The following TRAF3IP3 variants were observed in gnomAD, a reference collection of about 807,000 sequenced individuals.
The protein encoded by TRAF3IP3 is TRAF3 interacting protein 3, also known as TRAF3-interacting JNK-activating modulator.
TRAF3IP3 carries 64 observed loss-of-function variants against 86.5 expected under a neutral mutation model. The ratio of observed to expected loss-of-function variants is 0.74; its 90% CI spans 0.60 to 0.91. The LOEUF is 0.91. Ranked by LOEUF, TRAF3IP3 falls within the 40% of genes least tolerant of loss-of-function variation. The pLI, the probability that TRAF3IP3 is intolerant of heterozygous loss-of-function variation, is 0.00. For missense variants in TRAF3IP3, 579 were observed against 642.9 expected (o/e 0.90, Z 1.07); for synonymous variants, 220 against 243.9 (o/e 0.90, Z 0.91).
In TRAF3IP3 at chr1:209,780,461, C is replaced by T; in HGVS notation, c.1313-9C>T. On this transcript the variant is annotated splice_polypyrimidine_tract_variant and intron_variant, in intron 14 of 16. Coordinates refer to ENST00000367025, the MANE Select transcript of TRAF3IP3 (RefSeq NM_025228.4). ...CTCACTGTCACCAAGAATCTGGCTG[C>T]TTTTTTAGATCAGGCTTTGCCCGTG... 1 of 1,545,806 alleles carries T rather than the reference C, an allele frequency of 6.5e-7. No homozygotes were observed. Among genetic ancestry groups the T allele is most frequent in the South Asian group, 1.2e-5 (1 of 83,684 alleles).
intron 8 of TRAF3IP3, among the ~76,000 whole-genome samples, chr1:209,770,746 CGT>C (rs2077466320): frequency 2.0e-5 from 1 of 50,198 alleles, no homozygotes; most frequent in Non-Finnish European, 3.9e-5. Context: ...TGGAGGTGTG[CGT>C]GTGCAGGTGG....
chr1:209,776,050 C>G (rs925539369), intron 11 of TRAF3IP3: 7 of 233,380 alleles, frequency 3.0e-5, no homozygotes, highest in African/African-American at 1.6e-4. Context: ...ACTCTCCAAA[C>G]TCCATCCCAA....
At position 209,772,998 on chromosome 1, in the gene TRAF3IP3, C is replaced by G. The variant is rs775052748; in HGVS notation, c.753C>G (p.Asn251Lys). Residue 251 changes from asparagine (N) to lysine (K), a missense_variant, in exon 9 of 17, where the codon AAC becomes AAG. Coordinates refer to ENST00000367025, the MANE Select transcript of TRAF3IP3 (RefSeq NM_025228.4). ...KLKGKLRSLE[N>K]QLYTCTQKYS... ...AGGGGAAACTGAGATCCTTAGAAAACCAGCTATACACCTGTACCCAGGTAA... is the reference window on the plus strand; with the variant it reads ...AGGGGAAACTGAGATCCTTAGAAAAGCAGCTATACACCTGTACCCAGGTAA... 1.9e-6 allele frequency: 3 copies of G among 1,613,768 alleles called. No homozygotes were observed. In the South Asian group the frequency reaches 3.3e-5, roughly 18 times the overall value.
At chr1:209,781,819 C>T (rs2077787171) in intron 16 of TRAF3IP3, 2 of 542,218 alleles carry the variant, frequency 3.7e-6, no homozygotes, top group South Asian at 4.7e-5. Context: ...CTTCATTATT[C>T]ATATCAGTAT....
intron 8 of TRAF3IP3, chr1:209,768,623 C>T: frequency 1.0e-5 from 10 of 985,848 alleles, no homozygotes; most frequent in East Asian, 1.1e-4. Flanking sequence ...GGGAAAACCA[C>T]GCAGAAGCAG....
Position 209,762,558 on chromosome 1 carries a change from C to T in TRAF3IP3, c.389C>T (p.Pro130Leu). The T allele has an allele frequency of 6.7e-7, 1 of 1,484,056 alleles. No homozygotes were observed. Among genetic ancestry groups the T allele is most frequent in the Non-Finnish European group, 8.9e-7 (1 of 1,117,574 alleles). 91.9% of individuals were successfully genotyped at this position (1,484,056 alleles called of 1,614,324 possible). Residue 130 changes from proline to leucine, a missense_variant, in exon 4 of 17, where the codon CCT (proline) becomes CTT (leucine). Transcript: ENST00000367025. ...GAAGTCTTTCCAGCCCAGCATCCTCCTCCCTCAGGCATCTGCAGGGATCTG... is the reference window on the plus strand; with the variant it reads ...GAAGTCTTTCCAGCCCAGCATCCTCTTCCCTCAGGCATCTGCAGGGATCTG... ...SSEVFPAQHP[P>L]PSGICRDLSD...
chr1:209,773,701 G>A (rs755374461), intron 9 of TRAF3IP3, among the ~76,000 whole-genome samples: 27 of 152,212 alleles, frequency 1.8e-4, no homozygotes, highest in Non-Finnish European at 2.5e-4. Context: ...CATTGATGGC[G>A]TCTTACAGGG....
At chr1:209,771,359 G>A (rs1247485839) in intron 8 of TRAF3IP3, among the ~76,000 whole-genome samples, 4 of 143,974 alleles carry the variant, frequency 2.8e-5, no homozygotes, top group African/African-American at 1.0e-4. Flanking sequence ...AGGTGTGCGT[G>A]TGCAGCTGGA....
chr1:209,773,676 A>G (rs1032776567), intron 9 of TRAF3IP3, among the ~76,000 whole-genome samples: 1 of 152,246 alleles, frequency 6.6e-6, no homozygotes, highest in Admixed American at 6.5e-5. Flanking sequence ...TAGAGAGAGA[A>G]GACAGTCCTG....
At position 209,760,389 on chromosome 1, in the gene TRAF3IP3, G is replaced by T; in HGVS notation, c.345+5G>T. ...ATTTCTTCTCCCAGAGAGCAGGTGG[G>T]CCGTGTCAAGGGACATACTGCTGTG... On this transcript the variant is annotated splice_donor_5th_base_variant and intron_variant, in intron 3 of 16. Transcript: ENST00000367025. 1 of 1,572,986 alleles carries T rather than the reference G, an allele frequency of 6.4e-7. No homozygotes were observed.
rs2077785446 is a variant in TRAF3IP3, at chr1:209,781,743, CAGA to C, written c.1563+288_1563+290del. 7 of 483,934 alleles carry C rather than the reference CAGA, an allele frequency of 1.4e-5. No individual in the cohort carries two copies. In the East Asian group the frequency reaches 1.5e-4, roughly 10 times the overall value. 30.0% of individuals were successfully genotyped at this position (483,934 alleles called of 1,614,324 possible). A position where few individuals can be genotyped will look rare whatever the true frequency, so the allele number is the denominator to read the frequency against. ...CCGATGATAAGCATGGTGGCAAGAACAGAAGGACACAAAAGTACTGGGGAATAC... is the reference window on the plus strand; with the variant it reads ...CCGATGATAAGCATGGTGGCAAGAACAGGACACAAAAGTACTGGGGAATAC... On this transcript the variant is annotated intron_variant, in intron 16 of 16. Transcript: ENST00000367025.
In TRAF3IP3 at chr1:209,782,232, T is replaced by C; in HGVS notation, c.*84T>C. ...CAGAAGGTTTGGGTACATTACAGCTTGGGTTTTCCAACTGACTTAGGATTT... is the reference window on the plus strand; with the variant it reads ...CAGAAGGTTTGGGTACATTACAGCTCGGGTTTTCCAACTGACTTAGGATTT... On this transcript the variant is annotated 3_prime_UTR_variant, in exon 17 of 17. Transcript: ENST00000367025. 9.1e-7 allele frequency: 1 copy of C among 1,098,744 alleles called. No individual in the cohort carries two copies. The allele number at this position is 1,098,744 out of a possible 1,614,324, so 68.1% of individuals were successfully genotyped here. A position where few individuals can be genotyped will look rare whatever the true frequency, so the allele number is the denominator to read the frequency against.
In TRAF3IP3 at chr1:209,760,402, A is replaced by T. The variant is rs1213185483; in HGVS notation, c.345+18A>T. On this transcript the variant is annotated intron_variant, in intron 3 of 16. Transcript: ENST00000367025. ...GAGAGCAGGTGGGCCGTGTCAAGGG[A>T]CATACTGCTGTGTGCTCTGGGACCC... The T allele has an allele frequency of 3.9e-6, 6 of 1,555,324 alleles. No individual in the cohort carries two copies. The highest frequency in any genetic ancestry group is 5.2e-6 in the Non-Finnish European group (6 of 1,148,218).
At chr1:209,757,194 T>G (rs1036206530) in intron 1 of TRAF3IP3, among the ~76,000 whole-genome samples, 2 of 152,204 alleles carry the variant, frequency 1.3e-5, no homozygotes, top group Non-Finnish European at 2.9e-5. Context: ...CCACTGCAGC[T>G]CCTTTCTTGG....
chr1:209,770,459 G>C (rs1302701520), intron 8 of TRAF3IP3, among the ~76,000 whole-genome samples: 2 of 143,528 alleles, frequency 1.4e-5, no homozygotes, highest in African/African-American at 2.6e-5. Context: ...GTATGTGTGT[G>C]CATGTGGAGG....
chr1:209,772,074 GGT>G lies in TRAF3IP3; in HGVS notation c.703-864_703-863del, dbSNP rs200058437. On this transcript the variant is annotated intron_variant, in intron 8 of 16. Coordinates refer to ENST00000367025, the MANE Select transcript of TRAF3IP3 (RefSeq NM_025228.4). ...ACATGTGAAGGTGTGTGTATATGGA[GGT>G]GTGTGTGTGCATGTGGAGGTGTGTG... 3.7e-3 allele frequency among the ~76,000 whole-genome samples: 552 copies of G among 151,190 alleles called. 14 individuals are homozygous for G. Among genetic ancestry groups the G allele is most frequent in the Admixed American group, 0.032 (481 of 15,196 alleles).
At chr1:209,765,587 C>T (rs1348666583) in intron 8 of TRAF3IP3, among the ~76,000 whole-genome samples, 5 of 151,894 alleles carry the variant, frequency 3.3e-5, no homozygotes, top group Admixed American at 1.3e-4. Context: ...GAATCTCTTA[C>T]GTCCCAGGGG....
At chr1:209,765,178 GGAGAGAGAGAGAGAGAGA>G (rs375415223) in intron 8 of TRAF3IP3, among the ~76,000 whole-genome samples, 5 of 87,838 alleles carry the variant, frequency 5.7e-5, no homozygotes, top group South Asian at 9.0e-4. Context: ...CTGAGAGACA[GGAGAGAGAGAGAGAGAGA>G]GAGAGAGAGA....
Position 209,770,535 on chromosome 1 carries a change from G to A in TRAF3IP3, c.703-2413G>A, listed in dbSNP as rs189492691. On this transcript the variant is annotated intron_variant, in intron 8 of 16. Coordinates refer to ENST00000367025, the MANE Select transcript of TRAF3IP3 (RefSeq NM_025228.4). Reference sequence around the variant, plus strand: ...TATGTGTGTGCAGGTGGAAGTGTGCGTGTGCAGGTGGAGGTGTGTGTGTCC... The same window carrying A: ...TATGTGTGTGCAGGTGGAAGTGTGCATGTGCAGGTGGAGGTGTGTGTGTCC... Among the ~76,000 whole-genome samples, 506 of 149,552 alleles carry A rather than the reference G, an allele frequency of 3.4e-3. 5 individuals carry two copies. Among genetic ancestry groups the A allele is most frequent in the African/African-American group, 2.5e-3 (101 of 40,748 alleles).
Sources: allele counts gnomAD v4.1 joint callset (sites outside exome capture counted in the v4.1 genomes callset), GRCh38; gene constraint gnomAD v4.1.1; transcripts MANE v1.5; gene names NCBI Gene and HGNC (gene_info 2026-07-23, HGNC 2026-07-21).